The following GALNT13 variants were observed in gnomAD, a reference collection of about 807,000 sequenced individuals.
GALNT13 encodes the protein UDP-GalNAc:polypeptide N-acetylgalactosaminyltransferase 13.
A neutral mutation model predicts 64.2 loss-of-function variants in GALNT13; 28 were observed. The ratio of observed to expected loss-of-function variants is 0.44; its 90% confidence interval spans 0.32 to 0.60. GALNT13 has a LOEUF of 0.60. Among genes scored for constraint, GALNT13 ranks in the 20% least tolerant of loss-of-function variants. The probability of loss-of-function intolerance (pLI) is 0.05; values close to 1 mark genes in which losing one functional copy is unlikely to be tolerated. For missense variants in GALNT13, 577 were observed against 669.8 expected (o/e 0.86, Z 1.53); for synonymous variants, 214 against 224.6 (o/e 0.95, Z 0.42).
chr2:153,146,439 C>T, the GALNT13 span, among the ~76,000 whole-genome samples: 1 of 151,772 alleles, frequency 6.6e-6, no homozygotes, highest in Non-Finnish European at 1.5e-5. Flanking sequence ...TCCTAAGAGC[C>T]CCGAAAGTCA....
chr2:153,564,941 C>T, the GALNT13 span, among the ~76,000 whole-genome samples: 3 of 152,022 alleles, frequency 2.0e-5, no homozygotes, highest in Admixed American at 6.6e-5. Flanking sequence ...TGGAGCGGGC[C>T]GCATGGTAGA....
chr2:153,229,584 G>A, the GALNT13 span, among the ~76,000 whole-genome samples: 3 of 152,046 alleles, frequency 2.0e-5, no homozygotes, highest in South Asian at 2.1e-4. Flanking sequence ...TAATTTAATC[G>A]CCTATTTTTG....
chr2:154,400,865 T>C (rs1304802055), intron 10 of GALNT13, among the ~76,000 whole-genome samples: 2 of 152,020 alleles, frequency 1.3e-5, no homozygotes, highest in South Asian at 2.1e-4. Flanking sequence ...AAGTGTAAGA[T>C]TGAAAGAAAT....
chr2:153,233,486 T>TTA, the GALNT13 span, among the ~76,000 whole-genome samples: 88 of 150,440 alleles, frequency 5.8e-4, no homozygotes, highest in African/African-American at 9.0e-4. Flanking sequence ...ACCTTATTTT[T>TTA]AAAAAAAAAA....
At chr2:153,137,230 AG>A in the GALNT13 span, among the ~76,000 whole-genome samples, 3 of 152,136 alleles carry the variant, frequency 2.0e-5, no homozygotes, top group African/African-American at 7.2e-5. Context: ...AAGAGAAAGT[AG>A]GGAGCAATAG....
At chr2:153,195,120 G>A in the GALNT13 span, among the ~76,000 whole-genome samples, 4 of 152,092 alleles carry the variant, frequency 2.6e-5, no homozygotes, top group African/African-American at 4.8e-5. Flanking sequence ...GAGTCCTTTC[G>A]TCCCTTGGAT....
chr2:153,469,342 T>C, the GALNT13 span, among the ~76,000 whole-genome samples: 35 of 152,206 alleles, frequency 2.3e-4, no homozygotes, highest in Non-Finnish European at 4.9e-4. Flanking sequence ...CCAGTCTTTA[T>C]GGTTGAGAAA....
chr2:153,560,547 C>T, the GALNT13 span, among the ~76,000 whole-genome samples: 2 of 152,108 alleles, frequency 1.3e-5, no homozygotes, highest in African/African-American at 4.8e-5. Flanking sequence ...TATACATTTC[C>T]ACATGCTTAT....
chr2:153,248,732 C>G, the GALNT13 span, among the ~76,000 whole-genome samples: 9 of 147,554 alleles, frequency 6.1e-5, no homozygotes, highest in South Asian at 1.7e-3. Context: ...AGGATAATGG[C>G]GTGAACCCAG....
At chr2:154,071,480 T>G (rs1462378910) in intron 3 of GALNT13, among the ~76,000 whole-genome samples, 2 of 152,198 alleles carry the variant, frequency 1.3e-5, no homozygotes, top group Non-Finnish European at 2.9e-5. Context: ...AATTTCATCT[T>G]TTTGTTGTGG....
At chr2:154,027,726 A>G (rs1698070332) in intron 3 of GALNT13, among the ~76,000 whole-genome samples, 4 of 152,164 alleles carry the variant, frequency 2.6e-5, no homozygotes, top group Admixed American at 2.6e-4. Context: ...AATAAATTGT[A>G]TAATATCTAT....
At chr2:153,955,319 G>A (rs59745741) in intron 3 of GALNT13, among the ~76,000 whole-genome samples, 11,950 of 152,184 alleles carry the variant, frequency 0.079, 790 homozygotes, top group African/African-American at 0.17. Flanking sequence ...GGTACCTGCT[G>A]TAAGAGAAGC....
At chr2:153,936,967 T>G (rs1041758017) in intron 2 of GALNT13, among the ~76,000 whole-genome samples, 5 of 152,134 alleles carry the variant, frequency 3.3e-5, no homozygotes, top group Non-Finnish European at 5.9e-5. Flanking sequence ...TCCGCCCACC[T>G]TGGCCTCCCA....
intron 8 of GALNT13, among the ~76,000 whole-genome samples, chr2:154,261,373 G>T (rs1266561928): frequency 6.6e-6 from 1 of 151,966 alleles, no homozygotes; most frequent in Non-Finnish European, 1.5e-5. Context: ...TATGTATTTT[G>T]CTTTTTATTA....
At chr2:153,122,130 A>G in the GALNT13 span, among the ~76,000 whole-genome samples, 442 of 152,218 alleles carry the variant, frequency 2.9e-3, 3 homozygotes, top group African/African-American at 0.01. Context: ...TGGCATGAAT[A>G]GTTTTGATTA....
chr2:153,992,906 A>ATTTGGACATC (rs1488758660), intron 3 of GALNT13, among the ~76,000 whole-genome samples: 1 of 152,176 alleles, frequency 6.6e-6, no homozygotes, highest in Non-Finnish European at 1.5e-5. Flanking sequence ...TATTCATTTT[A>ATTTGGACATC]TTTGGACATC....
At chr2:154,331,856 C>T (rs1017620771) in intron 9 of GALNT13, among the ~76,000 whole-genome samples, 18 of 151,796 alleles carry the variant, frequency 1.2e-4, no homozygotes, top group African/African-American at 4.4e-4. Context: ...CTTCTTGCTA[C>T]AGAAATAGAA....
intron 4 of GALNT13, among the ~76,000 whole-genome samples, chr2:154,192,011 G>T (rs930515523): frequency 6.6e-6 from 1 of 152,188 alleles, no homozygotes; most frequent in Non-Finnish European, 1.5e-5. Flanking sequence ...ACTGGAGGTA[G>T]CTCTCAGCAG....
chr2:154,247,865 G>A (rs1689862466), intron 7 of GALNT13, among the ~76,000 whole-genome samples: 1 of 152,034 alleles, frequency 6.6e-6, no homozygotes, highest in Non-Finnish European at 1.5e-5. Flanking sequence ...CTAGATTTTT[G>A]TGGCAAAAGG....
Sources: gnomAD v4.1 joint callset for allele counts (sites outside exome capture counted in the v4.1 genomes callset) on GRCh38, gnomAD v4.1.1 for gene constraint, MANE v1.5 for transcripts, NCBI Gene and HGNC (gene_info 2026-07-23, HGNC 2026-07-21) for gene names.